The following CTIF variants were observed in gnomAD, a reference collection of about 807,000 sequenced individuals.
CTIF encodes the protein CBP80/20-dependent translation initiation factor.
CTIF carries 21 observed loss-of-function variants against 66.0 expected under a neutral mutation model. The ratio of observed to expected loss-of-function variants is 0.32; its 90% CI spans 0.23 to 0.46. The LOEUF is 0.46. CTIF is among the 20% of genes least tolerant of loss of function. CTIF has a pLI of 1.00. For synonymous variants in CTIF, 345 were observed against 326.4 expected, an observed-to-expected ratio of 1.06 and a Z score of -0.62; for missense variants, 739 against 812.7, an observed-to-expected ratio of 0.91 and a Z score of 1.10.
intron 1 of CTIF, among the ~76,000 whole-genome samples, chr18:48,608,633 G>C (rs2090250365): frequency 6.6e-6 from 1 of 152,210 alleles, no homozygotes; most frequent in Admixed American, 6.5e-5. Context: ...AAGGGTTGCT[G>C]TTCTCGAACG....
At chr18:48,730,875 T>G (rs1306545730) in intron 7 of CTIF, among the ~76,000 whole-genome samples, 1 of 151,596 alleles carries the variant, frequency 6.6e-6, no homozygotes, top group Admixed American at 6.6e-5. Context: ...TCCCGCAGTG[T>G]GAGGGGCTTC....
rs1568241769 is a variant in CTIF, at chr18:48,817,215, C to T, written c.1372-6C>T. On this transcript the variant is annotated splice_region_variant and splice_polypyrimidine_tract_variant and intron_variant, in intron 9 of 11. Transcript: ENST00000256413. ...GAGGCTGACGCGGTCTCTCATGCCT[C>T]CACAGAAGGACTTCACGGTGCGCGA... 2 of 1,612,614 alleles carry T rather than the reference C, an allele frequency of 1.2e-6. No homozygotes were observed. Among genetic ancestry groups the T allele is most frequent in the Non-Finnish European group, 1.7e-6 (2 of 1,179,438 alleles).
chr18:48,793,348 G>C (rs150278449), intron 9 of CTIF, among the ~76,000 whole-genome samples: 93 of 152,276 alleles, frequency 6.1e-4, no homozygotes, highest in Non-Finnish European at 1.1e-3. Flanking sequence ...CCTTGGTAAG[G>C]CTTAAATTTC....
intron 1 of CTIF, chr18:48,540,196 C>G (rs1007736766): frequency 3.3e-5 from 5 of 152,340 alleles, no homozygotes; most frequent in Non-Finnish European, 4.4e-5. Context: ...CCTGTCGCTG[C>G]GGTGCAATCG....
At chr18:48,636,932 A>AT (rs1491152673) in intron 3 of CTIF, among the ~76,000 whole-genome samples, 1 of 152,188 alleles carries the variant, frequency 6.6e-6, no homozygotes, top group Non-Finnish European at 1.5e-5. Flanking sequence ...ATATTAACAC[A>AT]TATCTGGAAG....
intron 1 of CTIF, among the ~76,000 whole-genome samples, chr18:48,611,281 A>G (rs376884443): frequency 1.4e-4 from 21 of 152,360 alleles, no homozygotes; most frequent in African/African-American, 5.1e-4. Context: ...GACTGTAAGC[A>G]GGTGCTGTCA....
Position 48,860,975 on chromosome 18 carries a change from TGAGCCCCCCCGGAAATGATGTCA to T in CTIF, c.*1422_*1444del, listed in dbSNP as rs958354542. On this transcript the variant is annotated 3_prime_UTR_variant, in exon 12 of 12. Coordinates refer to ENST00000256413, the MANE Select transcript of CTIF (RefSeq NM_014772.3). ...CTGGGGGCTGGAGCACACACTTTGA[TGAGCCCCCCCGGAAATGATGTCA>T]GAGCCTAGCCGCTTCCTTATTTGCT... The T allele has an allele frequency of 6.6e-5, 10 of 152,326 alleles. No homozygotes were observed. The highest frequency in any genetic ancestry group is 2.2e-4 in the African/African-American group (9 of 41,552). The allele number at this position is 152,326 out of a possible 1,614,324, so 9.4% of individuals were successfully genotyped here. A position where few individuals can be genotyped will look rare whatever the true frequency, so the allele number is the denominator to read the frequency against.
At chr18:48,735,954 T>C (rs1019721708) in intron 7 of CTIF, among the ~76,000 whole-genome samples, 4 of 152,056 alleles carry the variant, frequency 2.6e-5, no homozygotes, top group Admixed American at 6.6e-5. Context: ...GCGGAGGAGT[T>C]GGAAAGGGCA....
intron 1 of CTIF, among the ~76,000 whole-genome samples, chr18:48,563,288 G>A (rs1222785433): frequency 1.3e-5 from 2 of 152,186 alleles, no homozygotes; most frequent in African/African-American, 4.8e-5. Context: ...TCACTTTCCT[G>A]CCAGTGAAAA....
intron 1 of CTIF, among the ~76,000 whole-genome samples, chr18:48,542,762 A>G (rs1243386512): frequency 6.6e-6 from 1 of 152,236 alleles, no homozygotes. Flanking sequence ...CAAATGCAGA[A>G]GGAAGCGATG....
intron 7 of CTIF, among the ~76,000 whole-genome samples, chr18:48,753,437 C>G (rs1382556017): frequency 6.6e-6 from 1 of 152,032 alleles, no homozygotes; most frequent in Non-Finnish European, 1.5e-5. Context: ...CTCCCTACAC[C>G]CACCTCCCAA....
intron 9 of CTIF, among the ~76,000 whole-genome samples, chr18:48,795,375 T>C (rs2067892300): frequency 6.6e-6 from 1 of 152,206 alleles, no homozygotes; most frequent in Non-Finnish European, 1.5e-5. Flanking sequence ...ATTCTGATAA[T>C]GCAGTTTTTG....
intron 1 of CTIF, among the ~76,000 whole-genome samples, chr18:48,543,116 T>C (rs2088660177): frequency 6.6e-6 from 1 of 152,226 alleles, no homozygotes; most frequent in Non-Finnish European, 1.5e-5. Flanking sequence ...CCAGATATTG[T>C]CCTCTAATTT....
rs117537320 is a variant in CTIF at position 48,658,735 on chromosome 18, T to C, written c.253-5017T>C. Among the ~76,000 whole-genome samples, 903 of 152,238 alleles carry C rather than the reference T, an allele frequency of 5.9e-3. 8 individuals carry two copies. The highest frequency in any genetic ancestry group is 0.034 in the Middle Eastern group (10 of 292). ...TCTGTGGCATATGTACATGTATGCA[T>C]ATGCGGCCCTGTGGCATGTGTACAT... On this transcript the variant is annotated intron_variant, in intron 3 of 11. Coordinates refer to ENST00000256413, the MANE Select transcript of CTIF (RefSeq NM_014772.3).
intron 1 of CTIF, among the ~76,000 whole-genome samples, chr18:48,594,613 C>A (rs1254393109): frequency 6.6e-6 from 1 of 152,182 alleles, no homozygotes; most frequent in Non-Finnish European, 1.5e-5. Flanking sequence ...TGCCCCTTCC[C>A]TCCTCACTTG....
At chr18:48,574,295 A>G (rs943962018) in intron 1 of CTIF, among the ~76,000 whole-genome samples, 1 of 152,062 alleles carries the variant, frequency 6.6e-6, no homozygotes, top group African/African-American at 2.4e-5. Context: ...TTCCCTGACT[A>G]TCCTGTTTAA....
chr18:48,769,431 G>A (rs192212433), intron 9 of CTIF, among the ~76,000 whole-genome samples: 113 of 152,378 alleles, frequency 7.4e-4, no homozygotes, highest in Middle Eastern at 3.4e-3. Flanking sequence ...TCTAAAAATG[G>A]CTGGCATCTG....
chr18:48,830,536 C>T (rs2068668318), intron 10 of CTIF, among the ~76,000 whole-genome samples: 1 of 152,100 alleles, frequency 6.6e-6, no homozygotes, highest in South Asian at 2.1e-4. Context: ...GGTACACCAC[C>T]CCCAAAAAAC....
chr18:48,810,718 CT>C (rs1233073242), intron 9 of CTIF, among the ~76,000 whole-genome samples: 7 of 145,704 alleles, frequency 4.8e-5, no homozygotes, highest in Middle Eastern at 3.8e-3. Flanking sequence ...TCCTATGTTT[CT>C]TTTTTTTTTC....
Sources: allele counts gnomAD v4.1 joint callset (sites outside exome capture counted in the v4.1 genomes callset), GRCh38; gene constraint gnomAD v4.1.1; transcripts MANE v1.5; gene names NCBI Gene and HGNC (gene_info 2026-07-23, HGNC 2026-07-21).